GABRD: variants seen among roughly 807,000 people sequenced by gnomAD.
The protein encoded by GABRD is gamma-aminobutyric acid receptor subunit delta.
GABRD carries 25 observed loss-of-function variants against 47.3 expected under a neutral mutation model. The ratio of observed to expected loss-of-function variants is 0.53; its 90% confidence interval spans 0.39 to 0.74. GABRD has a LOEUF of 0.74. Ranked by LOEUF, GABRD falls within the 30% of genes least tolerant of loss-of-function variation. GABRD has a pLI of 0.00. For synonymous variants in GABRD, 314 were observed against 278.8 expected (o/e 1.13, Z -1.26); for missense variants, 497 against 643.4 (o/e 0.77, Z 2.46).
Position 2,025,649 on chromosome 1 carries a change from G to A in GABRD, c.381G>A (p.Val127=). 6.2e-7 allele frequency: 1 copy of A among 1,613,060 alleles called. No individual in the cohort carries two copies. The highest frequency in any genetic ancestry group is 8.5e-7 in the Non-Finnish European group (1 of 1,180,020). ...TGTGGCTGCCCGACACCTTCATCGT[G>A]AACGCCAAGTCGGCCTGGTTCCACG... ...DKLWLPDTFI[V]NAKSAWFHDV... Residue 127 remains valine (V), a synonymous_variant, in exon 4 of 9, where the codon GTG becomes GTA. Transcript: ENST00000378585.
chr1:2,024,733 G>A (rs1658871898), intron 1 of GABRD: 1 of 487,094 alleles, frequency 2.1e-6, no homozygotes, highest in Non-Finnish European at 3.7e-6. Context: ...GTCAGGGCCA[G>A]TGGAAGAGGC....
chr1:2,029,901 C>G, intron 8 of GABRD, 82 bp from the exon 9 acceptor site: 1 of 1,569,820 alleles, frequency 6.4e-7, no homozygotes, highest in Non-Finnish European at 8.7e-7. Context: ...GCGGGGCCCC[C>G]GCATGGGAAC....
At chr1:2,020,556 G>A (rs1394801989) in intron 1 of GABRD, among the ~76,000 whole-genome samples, 1 of 152,220 alleles carries the variant, frequency 6.6e-6, no homozygotes, top group Non-Finnish European at 1.5e-5. Context: ...GAGACCGCGG[G>A]GTCGGCACTG....
intron 4 of GABRD, among the ~76,000 whole-genome samples, chr1:2,026,272 C>T (rs971715059): frequency 5.3e-5 from 8 of 152,292 alleles, no homozygotes; most frequent in Non-Finnish European, 1.2e-4. Flanking sequence ...TTTATGACTC[C>T]GGCTTCGTTA....
Position 2,030,312 on chromosome 1 carries a change from C to T in GABRD, c.*30C>T, listed in dbSNP as rs1436056041. 1 of 1,475,868 alleles carries T rather than the reference C, an allele frequency of 6.8e-7. No homozygotes were observed. 91.4% of individuals were successfully genotyped at this position (1,475,868 alleles called of 1,614,324 possible). ...AGGACTCAGGCCACCCTCGCTTGTC[C>T]TGGCGCCCGGCGGCAGCTGCCCAGA... is the stretch of plus-strand genomic sequence containing the variant. On this transcript the variant is annotated 3_prime_UTR_variant, in exon 9 of 9. Coordinates refer to ENST00000378585, the MANE Select transcript of GABRD (RefSeq NM_000815.5).
At chr1:2,029,338 G>A in intron 7 of GABRD, 72 bp downstream of exon 7, 1 of 1,499,980 alleles carries the variant, frequency 6.7e-7, no homozygotes, top group Non-Finnish European at 8.9e-7. Context: ...CCATCCCTCG[G>A]CTGGGGGCTC....
Position 2,028,144 on chromosome 1 carries a change from T to A in GABRD, c.554-11T>A, listed in dbSNP as rs768308542. On this transcript the variant is annotated splice_polypyrimidine_tract_variant and intron_variant, in intron 5 of 8. Coordinates refer to ENST00000378585, the MANE Select transcript of GABRD (RefSeq NM_000815.5). The surrounding 1 kb of genome is among the most constrained non-coding windows in gnomAD (Gnocchi z 6.4). Reference sequence around the variant, plus strand: ...CGGGCTCTGCCGCCCACCTGTGTGCTTTTCCTCCAGACGGTTACTCATCGG... The same window carrying A: ...CGGGCTCTGCCGCCCACCTGTGTGCATTTCCTCCAGACGGTTACTCATCGG... 10 of 1,603,348 alleles carry A rather than the reference T, an allele frequency of 6.2e-6. No homozygotes were observed. In the South Asian group the frequency reaches 8.8e-5, roughly 14 times the overall value.
Position 2,024,971 on chromosome 1 carries a change from G to A in GABRD, c.98G>A (p.Gly33Asp). The A allele has an allele frequency of 1.2e-6, 2 of 1,612,930 alleles. No homozygotes were observed. The highest frequency in any genetic ancestry group is 1.1e-5 in the South Asian group (1 of 91,086). ...RAMNDIGDYV[G>D]SNLEISWLPN... Reference sequence around the variant, plus strand: ...ATGAATGACATCGGCGACTACGTGGGCTCCAACCTGGAGATCTCCTGGCTC... The same window carrying A: ...ATGAATGACATCGGCGACTACGTGGACTCCAACCTGGAGATCTCCTGGCTC... The change falls in exon 2 of 9, where the codon GGC becomes GAC. Residue 33 changes from glycine (G) to aspartate (D), a missense_variant. Physicochemically the swap from Gly to Asp is moderately conservative, Grantham distance 94 (BLOSUM62 -1). This residue lies in a region of GABRD where 91 missense variants were observed against 85.5 expected (regional missense o/e 1.06). Coordinates refer to ENST00000378585, the MANE Select transcript of GABRD (RefSeq NM_000815.5).
At position 2,024,977 on chromosome 1, in the gene GABRD, A is replaced by T; in HGVS notation, c.104A>T (p.Asn35Ile). The change falls in exon 2 of 9, where the codon AAC (asparagine) becomes ATC (isoleucine). Residue 35 changes from asparagine to isoleucine, a missense_variant. Transcript: ENST00000378585. ...MNDIGDYVGS[N>I]LEISWLPNLD... ...GACATCGGCGACTACGTGGGCTCCA[A>T]CCTGGAGATCTCCTGGCTCCCCAAC... 1.2e-6 allele frequency: 2 copies of T among 1,612,934 alleles called. No individual in the cohort carries two copies. Among genetic ancestry groups the T allele is most frequent in the Non-Finnish European group, 1.7e-6 (2 of 1,179,858 alleles).
rs1297149362 is a variant in GABRD at position 2,029,249 on chromosome 1, C to T, written c.830C>T (p.Pro277Leu). 6.4e-7 allele frequency: 1 copy of T among 1,564,290 alleles called. No homozygotes were observed. Among genetic ancestry groups the T allele is most frequent in the Non-Finnish European group, 8.6e-7 (1 of 1,156,524 alleles). The change falls in exon 7 of 9, where the codon CCC (proline) becomes CTC (leucine). Residue 277 changes from proline to leucine, a missense_variant. By Grantham distance (98) the Pro-to-Leu change is moderately conservative. This residue lies in a region of GABRD where 285 missense variants were observed against 436.6 expected (regional missense o/e 0.65). Coordinates refer to ENST00000378585, the MANE Select transcript of GABRD (RefSeq NM_000815.5). Reference sequence around the variant, plus strand: ...TTCTGGATCAGCCAGGCGGCGGTGCCCGCCAGGGTGTCTCTAGGTACGGGG... The same window carrying T: ...TTCTGGATCAGCCAGGCGGCGGTGCTCGCCAGGGTGTCTCTAGGTACGGGG... ...VSFWISQAAV[P>L]ARVSLGITTV...
intron 1 of GABRD, among the ~76,000 whole-genome samples, chr1:2,021,556 G>A (rs1459604144): frequency 1.3e-5 from 2 of 152,220 alleles, no homozygotes; most frequent in Admixed American, 1.3e-4. Context: ...AAGGCTGGGT[G>A]GGATAGGAAG....
chr1:2,025,384 A>C lies in GABRD; in HGVS notation c.232A>C (p.Ile78Leu), dbSNP rs1418645786. ...CCTGGAGGTGGCCAGCATCGACCACATCTCAGAGGCCAACATGGTAGGTGC... is the reference window on the plus strand; with the variant it reads ...CCTGGAGGTGGCCAGCATCGACCACCTCTCAGAGGCCAACATGGTAGGTGC... ...LALEVASIDHISEANMEYTMT... is the reference protein window; with the variant it reads ...LALEVASIDHLSEANMEYTMT... The change falls in exon 3 of 9, where the codon ATC becomes CTC. Residue 78 changes from isoleucine (I) to leucine (L), a missense_variant. Physicochemically the swap from Ile to Leu is conservative, Grantham distance 5 (BLOSUM62 2). Coordinates refer to ENST00000378585, the MANE Select transcript of GABRD (RefSeq NM_000815.5). 1 of 1,612,998 alleles carries C rather than the reference A, an allele frequency of 6.2e-7. No homozygotes were observed. The highest frequency in any genetic ancestry group is 1.1e-5 in the South Asian group (1 of 91,086).
At position 2,030,468 on chromosome 1, in the gene GABRD, G is replaced by A. The variant is rs984970795; in HGVS notation, c.*186G>A. 1 of 487,090 alleles carries A rather than the reference G, an allele frequency of 2.1e-6. No individual in the cohort carries two copies. The allele number at this position is 487,090 out of a possible 1,614,324, so 30.2% of individuals were successfully genotyped here. A position where few individuals can be genotyped will look rare whatever the true frequency, so the allele number is the denominator to read the frequency against. On this transcript the variant is annotated 3_prime_UTR_variant, in exon 9 of 9. Transcript: ENST00000378585. ...CTCTGACCCCAGCCTCACCCGAAAG[G>A]CCAGCCTGGGGCTCTCCGGCAGGCA...
chr1:2,025,700 C>G lies in GABRD; in HGVS notation c.432C>G (p.Ile144Met). 6.2e-7 allele frequency: 1 copy of G among 1,612,904 alleles called. No homozygotes were observed. The highest frequency in any genetic ancestry group is 8.5e-7 in the Non-Finnish European group (1 of 1,179,988). ...ACGTGACGGTGGAGAACAAGCTCAT[C>G]CGGCTGCAGCCCGACGGCGTGATCC... ...FHDVTVENKL[I>M]RLQPDGVILY... Residue 144 changes from isoleucine (I) to methionine (M), a missense_variant, in exon 4 of 9, where the codon ATC (isoleucine) becomes ATG (methionine). By Grantham distance (10) the Ile-to-Met change is conservative. Around this residue, in one of 3 missense-constraint regions of GABRD, gnomAD observed 285 missense variants for 436.6 expected, o/e 0.65. Coordinates refer to ENST00000378585, the MANE Select transcript of GABRD (RefSeq NM_000815.5).
chr1:2,021,163 C>T (rs1658760033), intron 1 of GABRD, among the ~76,000 whole-genome samples: 1 of 152,234 alleles, frequency 6.6e-6, no homozygotes, highest in South Asian at 2.1e-4. Flanking sequence ...GTGAGAGGTG[C>T]ACTGCTTTGC....
chr1:2,019,448 G>A lies in GABRD; in HGVS notation c.25G>A (p.Ala9Thr). 9.2e-7 allele frequency: 1 copy of A among 1,087,358 alleles called. No homozygotes were observed. Among genetic ancestry groups the A allele is most frequent in the Non-Finnish European group, 1.1e-6 (1 of 898,496 alleles). The allele number at this position is 1,087,358 out of a possible 1,614,324, so 67.4% of individuals were successfully genotyped here. MDAPARLL[A>T]PLLLLCAQQL... ...CATGGACGCGCCCGCCCGGCTGCTGGCCCCGCTCCTGCTCCTCTGCGCGCA... is the reference window on the plus strand; with the variant it reads ...CATGGACGCGCCCGCCCGGCTGCTGACCCCGCTCCTGCTCCTCTGCGCGCA... The change falls in exon 1 of 9, where the codon GCC becomes ACC. Residue 9 changes from alanine to threonine, a missense_variant. Around this residue, in one of 3 missense-constraint regions of GABRD, gnomAD observed 91 missense variants for 85.5 expected, o/e 1.06. Transcript: ENST00000378585.
Position 2,030,262 on chromosome 1 carries a change from T to A in GABRD, c.1339T>A (p.Trp447Arg). The A allele has an allele frequency of 6.4e-7, 1 of 1,553,390 alleles. No homozygotes were observed. The highest frequency in any genetic ancestry group is 1.9e-5 in the Admixed American group (1 of 52,420). The stretch of plus-strand genomic sequence containing the variant: ...GTTTGCGGCCGTCAATGTCATCTAC[T>A]GGGCGGCATACGCCATGTGAGCACA... ...AAFAAVNVIY[W>R]AAYAM Residue 447 changes from tryptophan (W) to arginine (R), a missense_variant, in exon 9 of 9, where the codon TGG becomes AGG. By Grantham distance (101) the Trp-to-Arg change is moderately radical. Transcript: ENST00000378585.
Position 2,027,564 on chromosome 1 carries a change from C to T in GABRD, c.471-13C>T. 1 of 1,611,266 alleles carries T rather than the reference C, an allele frequency of 6.2e-7. No individual in the cohort carries two copies. Among genetic ancestry groups the T allele is most frequent in the Non-Finnish European group, 8.5e-7 (1 of 1,178,510 alleles). ...TCACCCCCAAGGCCTCACTGCCATG[C>T]TTGTCTTGGCAGAATCACCTCCACT... is the stretch of plus-strand genomic sequence containing the variant. On this transcript the variant is annotated splice_polypyrimidine_tract_variant and intron_variant, in intron 4 of 8. Transcript: ENST00000378585.
At chr1:2,027,725 C>G (rs980429995) in intron 5 of GABRD, 66 bp downstream of exon 5, 2 of 1,427,806 alleles carry the variant, frequency 1.4e-6, no homozygotes, top group Non-Finnish European at 2.0e-6. Context: ...ACTGTCAGCC[C>G]GGGGCCTGGA....
Sources: allele counts gnomAD v4.1 joint callset (sites outside exome capture counted in the v4.1 genomes callset), GRCh38; gene constraint gnomAD v4.1.1; regional missense constraint gnomAD v4.1.1; non-coding constraint Gnocchi (gnomAD v3.1); transcripts MANE v1.5; gene names NCBI Gene and HGNC (gene_info 2026-07-23, HGNC 2026-07-21).